Variants in RALYL observed in about 807,000 individuals in gnomAD.
The protein encoded by RALYL is RALY RNA binding protein like, also known as RNA-binding Raly-like protein.
RALYL carries 29 observed loss-of-function variants against 35.1 expected under a neutral mutation model. The observed-to-expected ratio is 0.83, with a 90% CI of 0.61 to 1.13. RALYL has a LOEUF of 1.13. RALYL is among the 50% of genes most tolerant of loss of function. The probability of loss-of-function intolerance (pLI) is 0.00; values close to 1 mark genes in which losing one functional copy is unlikely to be tolerated. For synonymous variants in RALYL, 120 were observed against 127.6 expected (o/e 0.94, Z 0.40); for missense variants, 359 against 360.4 (o/e 1.00, Z 0.03).
At chr8:84,428,065 C>T (rs1407937149) in intron 1 of RALYL, among the ~76,000 whole-genome samples, 4 of 149,982 alleles carry the variant, frequency 2.7e-5, no homozygotes, top group Admixed American at 1.3e-4. Flanking sequence ...GGCTCGCTTG[C>T]GCTTGCTCGC....
intron 1 of RALYL, among the ~76,000 whole-genome samples, chr8:84,418,083 T>A (rs1005646845): frequency 6.6e-6 from 1 of 152,120 alleles, no homozygotes; most frequent in Non-Finnish European, 1.5e-5. Context: ...CACAAGTAAT[T>A]GACCTCTTTA....
chr8:84,638,871 AATATATATATATAT>A lies in RALYL; in HGVS notation c.256+109331_256+109344del, dbSNP rs71273908. 3.6e-3 allele frequency among the ~76,000 whole-genome samples: 309 copies of A among 86,244 alleles called. 3 individuals are homozygous for A. Among genetic ancestry groups the A allele is most frequent in the African/African-American group, 0.018 (242 of 13,196 alleles). The allele number at this position is 86,244 out of a possible 152,430, so 56.6% of individuals were successfully genotyped here. ...AATACGAGTATCTAATGCACGCATA[AATATATATATATAT>A]ATATATATATATATATATATATATA... On this transcript the variant is annotated intron_variant, in intron 2 of 8. Coordinates refer to ENST00000521268, the MANE Select transcript of RALYL (RefSeq NM_173848.7).
chr8:84,421,960 T>C (rs1028957225), intron 1 of RALYL, among the ~76,000 whole-genome samples: 92 of 152,282 alleles, frequency 6.0e-4, no homozygotes, highest in Non-Finnish European at 1.0e-3. Context: ...CAGTATTTTA[T>C]TGAGGATTTT....
intron 4 of RALYL, among the ~76,000 whole-genome samples, chr8:84,824,221 T>G (rs1404991217): frequency 6.6e-6 from 1 of 150,576 alleles, no homozygotes; most frequent in Non-Finnish European, 1.5e-5. Flanking sequence ...ATGTTCAATT[T>G]GAGAACCAAA....
intron 2 of RALYL, among the ~76,000 whole-genome samples, chr8:84,703,476 T>C (rs1219092803): frequency 6.6e-6 from 1 of 152,130 alleles, no homozygotes; most frequent in African/African-American, 2.4e-5. Flanking sequence ...TGTATAGGTG[T>C]GATGATCGAT....
intron 1 of RALYL, among the ~76,000 whole-genome samples, chr8:84,390,298 A>T (rs1316321136): frequency 3.3e-5 from 5 of 152,046 alleles, no homozygotes; most frequent in Non-Finnish European, 4.4e-5. Flanking sequence ...TTGGTCCAAA[A>T]TTCTCTTTTT....
At chr8:84,264,041 T>C (rs1035354544) in intron 1 of RALYL, among the ~76,000 whole-genome samples, 5 of 152,320 alleles carry the variant, frequency 3.3e-5, no homozygotes, top group African/African-American at 9.6e-5. Flanking sequence ...TGATTCCTTG[T>C]CCTTGCTATT....
intron 1 of RALYL, among the ~76,000 whole-genome samples, chr8:84,251,462 G>C (rs1380984694): frequency 6.6e-6 from 1 of 151,906 alleles, no homozygotes; most frequent in Non-Finnish European, 1.5e-5. Flanking sequence ...GTCATTTTCT[G>C]GCAGTGCAAA....
intron 2 of RALYL, among the ~76,000 whole-genome samples, chr8:84,691,901 A>G (rs753036948): frequency 2.6e-5 from 4 of 152,106 alleles, no homozygotes; most frequent in Non-Finnish European, 5.9e-5. Context: ...ATAAAATATC[A>G]TGATCACATT....
chr8:84,916,529 G>C (rs151004923), intron 8 of RALYL, among the ~76,000 whole-genome samples: 3 of 151,932 alleles, frequency 2.0e-5, no homozygotes, highest in Admixed American at 2.0e-4. Flanking sequence ...CTATAGGGGG[G>C]AGTTTCCCTG....
In RALYL at chr8:84,230,684, A is replaced by G. The variant is rs562034427; in HGVS notation, c.-24+46260A>G. On this transcript the variant is annotated intron_variant, in intron 1 of 8. Coordinates refer to ENST00000521268, the MANE Select transcript of RALYL (RefSeq NM_173848.7). ...ACACTACTTGTTACTACTATTTACT[A>G]CTAATGGCTCTCATTTTTGAGCACA... Among the ~76,000 whole-genome samples the G allele has an allele frequency of 9.9e-4, 151 of 152,322 alleles. 2 individuals are homozygous for G. The highest frequency in any genetic ancestry group is 8.7e-4 in the Non-Finnish European group (59 of 68,028).
At chr8:84,728,477 A>C (rs1178420639) in intron 2 of RALYL, among the ~76,000 whole-genome samples, 3 of 151,356 alleles carry the variant, frequency 2.0e-5, no homozygotes, top group African/African-American at 2.4e-5. Flanking sequence ...TCTTTAGTTT[A>C]ATTAGATCCC....
chr8:84,495,764 G>T (rs1223658299), intron 1 of RALYL, among the ~76,000 whole-genome samples: 1 of 151,536 alleles, frequency 6.6e-6, no homozygotes, highest in Non-Finnish European at 1.5e-5. Flanking sequence ...CTGCTTATTT[G>T]TAACCTTTGA....
At chr8:84,555,759 T>C (rs572596963) in intron 2 of RALYL, among the ~76,000 whole-genome samples, 1 of 152,172 alleles carries the variant, frequency 6.6e-6, no homozygotes, top group African/African-American at 2.4e-5. Flanking sequence ...ATCTCCCAAG[T>C]ATATGATAAT....
chr8:84,563,195 C>T (rs2061571532), intron 2 of RALYL, among the ~76,000 whole-genome samples: 1 of 151,834 alleles, frequency 6.6e-6, no homozygotes, highest in Non-Finnish European at 1.5e-5. Context: ...GGCTTTCCAA[C>T]TGGTGTATCA....
intron 1 of RALYL, among the ~76,000 whole-genome samples, chr8:84,263,802 C>T (rs1173604567): frequency 6.6e-6 from 1 of 152,056 alleles, no homozygotes; most frequent in Non-Finnish European, 1.5e-5. Context: ...GTGGGTTGTT[C>T]CTCTCCCTGT....
intron 1 of RALYL, among the ~76,000 whole-genome samples, chr8:84,218,067 A>G (rs1821264301): frequency 6.6e-6 from 1 of 151,008 alleles, no homozygotes; most frequent in South Asian, 2.1e-4. Context: ...GAAAAAATAT[A>G]AAGTCTTTAG....
intron 2 of RALYL, among the ~76,000 whole-genome samples, chr8:84,755,873 TAAAAAA>T (rs200896745): frequency 1.4e-5 from 2 of 145,270 alleles, no homozygotes; most frequent in Admixed American, 1.4e-4. Flanking sequence ...TGGCATATTG[TAAAAAA>T]AAAAAAAATC....
At chr8:84,807,041 G>C (rs1824812187) in intron 4 of RALYL, among the ~76,000 whole-genome samples, 1 of 152,064 alleles carries the variant, frequency 6.6e-6, no homozygotes, top group African/African-American at 2.4e-5. Context: ...GTAGCTCTCT[G>C]CTGCCTTTTT....
Sources: allele counts gnomAD v4.1 joint callset (sites outside exome capture counted in the v4.1 genomes callset), GRCh38; gene constraint gnomAD v4.1.1; transcripts MANE v1.5; gene names NCBI Gene and HGNC (gene_info 2026-07-23, HGNC 2026-07-21).